IQSEC1: variants seen among roughly 807,000 people sequenced by gnomAD.
The protein encoded by IQSEC1 is IQ motif and SEC7 domain-containing protein 1.
In IQSEC1, 31 loss-of-function variants were observed where a neutral mutation model predicts 91.0. That is an observed-to-expected ratio of 0.34 (90% CI 0.26 to 0.46). The LOEUF (loss-of-function observed/expected upper bound fraction) is 0.46, where lower values mean the gene tolerates loss of function less well. IQSEC1 is among the 20% of genes least tolerant of loss of function. The pLI is 1.00. For synonymous variants in IQSEC1, 699 were observed against 662.6 expected (o/e 1.05, Z -0.84); for missense variants, 1,388 against 1,575.6 (o/e 0.88, Z 2.02).
chr3:13,203,123 G>C (rs965972422), intron 1 of IQSEC1, among the ~76,000 whole-genome samples: 1 of 151,430 alleles, frequency 6.6e-6, no homozygotes, highest in East Asian at 1.9e-4. Context: ...GAGAGGCCAG[G>C]GTATTCATTC....
chr3:13,092,875 G>C (rs73014619), intron 2 of IQSEC1, among the ~76,000 whole-genome samples: 2 of 151,968 alleles, frequency 1.3e-5, no homozygotes, highest in African/African-American at 4.8e-5. Context: ...GAACTTCTTC[G>C]AGTCCCGGGG....
intron 1 of IQSEC1, among the ~76,000 whole-genome samples, chr3:12,949,763 T>C (rs993523421): frequency 2.0e-5 from 3 of 146,836 alleles, no homozygotes; most frequent in Non-Finnish European, 4.5e-5. Flanking sequence ...AGGCAGGGTC[T>C]GGGGGGCGGG....
At chr3:12,960,598 T>G (rs1204443807) in intron 1 of IQSEC1, 1 of 152,214 alleles carries the variant, frequency 6.6e-6, no homozygotes, top group African/African-American at 2.4e-5. Flanking sequence ...TCTGCAGAGC[T>G]TGAATTCGTC....
At chr3:13,233,542 TTA>T (rs1424708014) in intron 1 of IQSEC1, among the ~76,000 whole-genome samples, 1 of 152,156 alleles carries the variant, frequency 6.6e-6, no homozygotes, top group Non-Finnish European at 1.5e-5. Flanking sequence ...ACAGACCACA[TTA>T]TGTTTATCCA....
chr3:13,199,930 G>GTC (rs1021391391), intron 1 of IQSEC1, among the ~76,000 whole-genome samples: 1 of 134,822 alleles, frequency 7.4e-6, no homozygotes, highest in Non-Finnish European at 1.6e-5. Context: ...CACCACGCAC[G>GTC]TCACACACAC....
chr3:12,927,376 G>GC (rs978298294), intron 3 of IQSEC1, among the ~76,000 whole-genome samples: 8 of 152,308 alleles, frequency 5.3e-5, no homozygotes, highest in Admixed American at 1.3e-4. Context: ...CCCGACCCCT[G>GC]CTGCCTGGTC....
intron 1 of IQSEC1, among the ~76,000 whole-genome samples, chr3:12,943,220 C>T (rs1559655303): frequency 6.6e-6 from 1 of 152,296 alleles, no homozygotes; most frequent in East Asian, 1.9e-4. Flanking sequence ...GTGGTCCCCT[C>T]CGCCTCACCA....
At chr3:13,209,634 C>T (rs749986084) in intron 1 of IQSEC1, among the ~76,000 whole-genome samples, 23 of 152,204 alleles carry the variant, frequency 1.5e-4, no homozygotes, top group Non-Finnish European at 2.8e-4. Context: ...CGTGCCCTCT[C>T]GGACCACACT....
At chr3:13,135,893 A>G (rs1706699904) in intron 2 of IQSEC1, among the ~76,000 whole-genome samples, 1 of 152,222 alleles carries the variant, frequency 6.6e-6, no homozygotes, top group Non-Finnish European at 1.5e-5. Flanking sequence ...TCCTGTGCGC[A>G]GACCCCGTGC....
chr3:13,006,344 A>T (rs1702634905), intron 1 of IQSEC1, among the ~76,000 whole-genome samples: 1 of 152,176 alleles, frequency 6.6e-6, no homozygotes, highest in South Asian at 2.1e-4. Context: ...GGGCACGTGG[A>T]GGGAACTGAA....
At chr3:12,984,416 G>A (rs1387812299) in intron 1 of IQSEC1, among the ~76,000 whole-genome samples, 1 of 152,196 alleles carries the variant, frequency 6.6e-6, no homozygotes, top group East Asian at 1.9e-4. Flanking sequence ...TAACAAGAAT[G>A]CCATTAGAGT....
chr3:13,049,537 G>A (rs1261823219), intron 1 of IQSEC1, among the ~76,000 whole-genome samples: 1 of 152,084 alleles, frequency 6.6e-6, no homozygotes, highest in African/African-American at 2.4e-5. Context: ...TATGGCTCAC[G>A]GAGACCCCAC....
At chr3:13,140,710 G>C (rs1330522955) in intron 2 of IQSEC1, among the ~76,000 whole-genome samples, 1 of 152,192 alleles carries the variant, frequency 6.6e-6, no homozygotes, top group Non-Finnish European at 1.5e-5. Flanking sequence ...CTGAGTGACA[G>C]ATAAGCCCCA....
intron 2 of IQSEC1, among the ~76,000 whole-genome samples, chr3:13,081,610 C>T (rs1345051490): frequency 6.6e-6 from 1 of 152,156 alleles, no homozygotes; most frequent in Admixed American, 6.5e-5. Context: ...ACAGGCTTAA[C>T]AATATATAAA....
At chr3:13,229,685 C>G (rs2125087131) in intron 1 of IQSEC1, among the ~76,000 whole-genome samples, 1 of 152,312 alleles carries the variant, frequency 6.6e-6, no homozygotes, top group Middle Eastern at 3.4e-3. Context: ...CTAAACTCGC[C>G]AAACTTGTTC....
At chr3:13,147,517 G>C (rs529867854) in intron 2 of IQSEC1, among the ~76,000 whole-genome samples, 1 of 152,338 alleles carries the variant, frequency 6.6e-6, no homozygotes, top group Non-Finnish European at 1.5e-5. Context: ...TTATGGCTGA[G>C]TAGTATTCCA....
chr3:13,058,459 A>G (rs1704953254), intron 1 of IQSEC1, among the ~76,000 whole-genome samples: 1 of 152,152 alleles, frequency 6.6e-6, no homozygotes, highest in Admixed American at 6.5e-5. Context: ...CCTTGGGGGC[A>G]GGGGTTGTTA....
At chr3:13,030,470 T>A (rs559046574) in intron 1 of IQSEC1, among the ~76,000 whole-genome samples, 1 of 152,192 alleles carries the variant, frequency 6.6e-6, no homozygotes, top group Admixed American at 6.5e-5. Context: ...TCTTTTAAAA[T>A]CAACTGGCTT....
chr3:13,246,429 C>T (rs1233015893), intron 1 of IQSEC1, among the ~76,000 whole-genome samples: 4 of 152,170 alleles, frequency 2.6e-5, no homozygotes, highest in Admixed American at 6.5e-5. Flanking sequence ...TGGAGATGGA[C>T]GGTGGGGACG....
Sources: gnomAD v4.1 joint callset for allele counts (sites outside exome capture counted in the v4.1 genomes callset) on GRCh38, gnomAD v4.1.1 for gene constraint, MANE v1.5 for transcripts, NCBI Gene and HGNC (gene_info 2026-07-23, HGNC 2026-07-21) for gene names.